SV2C: variants seen among roughly 807,000 people sequenced by gnomAD.
The protein encoded by SV2C is synaptic vesicle glycoprotein 2C, also known as solute carrier family 22 member B3.
Under a neutral mutation model 79.7 loss-of-function variants are expected in SV2C, and 49 were observed. That is an observed-to-expected ratio of 0.61 (90% CI 0.49 to 0.78). The LOEUF is 0.78. SV2C is among the 30% of genes least tolerant of loss of function. The probability of loss-of-function intolerance (pLI) is 0.00; values close to 1 mark genes in which losing one functional copy is unlikely to be tolerated. For synonymous variants in SV2C, 334 were observed against 333.2 expected (o/e 1.00, Z -0.03); for missense variants, 833 against 912.9 (o/e 0.91, Z 1.13).
chr5:76,184,599 G>A (rs919294654), intron 2 of SV2C, among the ~76,000 whole-genome samples: 9 of 152,178 alleles, frequency 5.9e-5, no homozygotes, highest in African/African-American at 2.2e-4. Context: ...TCTTCATAGG[G>A]CGGCAGGAGA....
chr5:76,237,760 C>T (rs180847691), intron 4 of SV2C, among the ~76,000 whole-genome samples: 2 of 152,194 alleles, frequency 1.3e-5, no homozygotes, highest in Admixed American at 6.5e-5. Flanking sequence ...TGCCCACTGT[C>T]ATCTAGCATC....
In SV2C at chr5:76,326,325, A is replaced by C. The variant is rs1170364139; in HGVS notation, c.*778A>C. The C allele has an allele frequency of 6.6e-6, 1 of 152,192 alleles. No individual in the cohort carries two copies. The highest frequency in any genetic ancestry group is 2.4e-5 in the African/African-American group (1 of 41,434). 9.4% of individuals were successfully genotyped at this position (152,192 alleles called of 1,614,324 possible). A position where few individuals can be genotyped will look rare whatever the true frequency, so the allele number is the denominator to read the frequency against. On this transcript the variant is annotated 3_prime_UTR_variant, in exon 13 of 13. Coordinates refer to ENST00000502798, the MANE Select transcript of SV2C (RefSeq NM_014979.4). ...GATCCGAGAGAGAGCTTCTGCCTCC[A>C]TTTACCACTCCCACTCCTTCAGCTG...
chr5:76,134,970 A>G (rs1749020318), intron 2 of SV2C, among the ~76,000 whole-genome samples: 1 of 152,224 alleles, frequency 6.6e-6, no homozygotes, highest in Non-Finnish European at 1.5e-5. Flanking sequence ...ACAAATGAGT[A>G]GATTACCAGT....
chr5:76,350,421 T>C (rs1223647310), intron 12 of SV2C, among the ~76,000 whole-genome samples: 4 of 152,168 alleles, frequency 2.6e-5, no homozygotes, highest in Non-Finnish European at 5.9e-5. Context: ...CCTCAGGAAA[T>C]GTGACATGCC....
chr5:76,285,841 G>T lies in SV2C; in HGVS notation c.1108G>T (p.Ala370Ser), dbSNP rs921877540. 1 of 1,614,018 alleles carries T rather than the reference G, an allele frequency of 6.2e-7. No individual in the cohort carries two copies. Among genetic ancestry groups the T allele is most frequent in the Non-Finnish European group, 8.5e-7 (1 of 1,180,006 alleles). Residue 370 changes from alanine to serine, a missense_variant, in exon 6 of 13, where the codon GCC (alanine) becomes TCC (serine). Coordinates refer to ENST00000502798, the MANE Select transcript of SV2C (RefSeq NM_014979.4). ...LKLIHDTNMR[A>S]RGQPEKVFTV... ...GTTAATTCATGACACCAACATGAGA[G>T]CCCGGGGTCAGCCTGAGAAGGTCTT... is the stretch of plus-strand genomic sequence containing the variant.
At chr5:76,350,343 T>C (rs1179331988) in intron 12 of SV2C, among the ~76,000 whole-genome samples, 2 of 152,124 alleles carry the variant, frequency 1.3e-5, no homozygotes, top group Non-Finnish European at 2.9e-5. Flanking sequence ...GATATGGGAA[T>C]ATGGGGAACT....
chr5:75,898,527 C>G, the SV2C span, among the ~76,000 whole-genome samples: 3 of 152,032 alleles, frequency 2.0e-5, no homozygotes, highest in Non-Finnish European at 4.4e-5. Context: ...GTCTAAAATT[C>G]TCTTTTTTGG....
intron 1 of SV2C, among the ~76,000 whole-genome samples, chr5:76,107,672 T>A (rs747630551): frequency 1.3e-5 from 2 of 152,088 alleles, no homozygotes; most frequent in Non-Finnish European, 1.5e-5. Flanking sequence ...GAGAACAACA[T>A]GGTGAAACCG....
the SV2C span, among the ~76,000 whole-genome samples, chr5:75,967,680 G>A: frequency 2.0e-5 from 3 of 152,208 alleles, no homozygotes; most frequent in Non-Finnish European, 2.9e-5. Context: ...CAGGAAGCTC[G>A]AACTGGGTGG....
chr5:75,940,356 C>T, the SV2C span, among the ~76,000 whole-genome samples: 3 of 151,448 alleles, frequency 2.0e-5, no homozygotes, highest in African/African-American at 7.3e-5. Flanking sequence ...CACTGCACTT[C>T]AGCCTCGATG....
chr5:76,053,126 G>A, the SV2C span, among the ~76,000 whole-genome samples: 3 of 132,994 alleles, frequency 2.3e-5, no homozygotes, highest in African/African-American at 9.0e-5. Context: ...AAAAAAAAAA[G>A]AGTAGAATAC....
intron 12 of SV2C, among the ~76,000 whole-genome samples, chr5:76,347,567 C>T (rs1051482217): frequency 1.3e-5 from 2 of 152,134 alleles, no homozygotes; most frequent in African/African-American, 4.8e-5. Context: ...GCCTCAGCCT[C>T]CCGAGCTGGG....
At chr5:76,341,851 C>T (rs766976788) in intron 12 of SV2C, among the ~76,000 whole-genome samples, 3 of 151,604 alleles carry the variant, frequency 2.0e-5, no homozygotes, top group Admixed American at 6.6e-5. Context: ...CTTGGGGTGC[C>T]GAAATGGGGT....
At chr5:76,247,133 C>G (rs1745969720) in intron 4 of SV2C, among the ~76,000 whole-genome samples, 1 of 152,122 alleles carries the variant, frequency 6.6e-6, no homozygotes, top group Non-Finnish European at 1.5e-5. Context: ...TCCTAGTTCC[C>G]TAATTGGTAA....
At chr5:76,042,878 C>G in the SV2C span, among the ~76,000 whole-genome samples, 1 of 152,202 alleles carries the variant, frequency 6.6e-6, no homozygotes, top group Non-Finnish European at 1.5e-5. Flanking sequence ...CAGCTGACCT[C>G]TCTGATCCCA....
chr5:76,254,257 T>G (rs10038184), intron 4 of SV2C, among the ~76,000 whole-genome samples: 99,884 of 149,284 alleles, frequency 0.67, 33,520 homozygotes, highest in South Asian at 0.77. Flanking sequence ...TATATATATA[T>G]AGAGAGAGAG....
At chr5:75,887,365 C>A in the SV2C span, among the ~76,000 whole-genome samples, 1 of 151,844 alleles carries the variant, frequency 6.6e-6, no homozygotes, top group Non-Finnish European at 1.5e-5. Context: ...TCTCCAGCAC[C>A]CCCACCCCAG....
the SV2C span, among the ~76,000 whole-genome samples, chr5:75,947,145 C>A: frequency 1.3e-5 from 2 of 151,750 alleles, no homozygotes; most frequent in East Asian, 3.9e-4. Context: ...TTTGGAGGTG[C>A]CAGTGGGAAT....
At chr5:75,949,930 T>C in the SV2C span, among the ~76,000 whole-genome samples, 1 of 152,014 alleles carries the variant, frequency 6.6e-6, no homozygotes, top group Non-Finnish European at 1.5e-5. Context: ...GGATTGGATA[T>C]TGTTGTAAGA....
Sources: gnomAD v4.1 joint callset for allele counts (sites outside exome capture counted in the v4.1 genomes callset) on GRCh38, gnomAD v4.1.1 for gene constraint, MANE v1.5 for transcripts, NCBI Gene and HGNC (gene_info 2026-07-23, HGNC 2026-07-21) for gene names.